The following FHIT variants were observed in gnomAD, a reference collection of about 807,000 sequenced individuals.
FHIT encodes the protein fragile histidine triad diadenosine triphosphatase, also known as bis(5'-adenosyl)-triphosphatase.
In FHIT, 19 loss-of-function variants were observed where a neutral mutation model predicts 17.9. That is an observed-to-expected ratio of 1.06 (90% CI 0.74 to 1.56). The LOEUF (loss-of-function observed/expected upper bound fraction) is 1.56. FHIT is among the 40% of genes most tolerant of loss of function. FHIT has a pLI of 0.00. For missense variants in FHIT, 248 were observed against 189.2 expected (o/e 1.31, Z -1.82); for synonymous variants, 81 against 69.7 (o/e 1.16, Z -0.81).
chr3:60,170,354 C>T (rs1451679331), intron 5 of FHIT, among the ~76,000 whole-genome samples: 1 of 152,138 alleles, frequency 6.6e-6, no homozygotes, highest in African/African-American at 2.4e-5. Flanking sequence ...TAAATCCAAC[C>T]ATGAATGAAG....
chr3:60,387,579 C>G (rs918718481), intron 5 of FHIT, among the ~76,000 whole-genome samples: 3 of 152,028 alleles, frequency 2.0e-5, no homozygotes, highest in African/African-American at 7.2e-5. Flanking sequence ...ATTCCCAATT[C>G]TCTCCCCCCT....
intron 3 of FHIT, among the ~76,000 whole-genome samples, chr3:61,032,953 A>G (rs1199900298): frequency 6.6e-6 from 1 of 152,224 alleles, no homozygotes; most frequent in Non-Finnish European, 1.5e-5. Flanking sequence ...TCAAAGGCCC[A>G]AGATACAGGA....
chr3:60,056,865 G>A (rs767011349), intron 5 of FHIT, among the ~76,000 whole-genome samples: 1 of 152,164 alleles, frequency 6.6e-6, no homozygotes, highest in Non-Finnish European at 1.5e-5. Context: ...TTCCTTTCAT[G>A]ACATCAATCA....
At chr3:59,787,146 C>T (rs1420392444) in intron 8 of FHIT, among the ~76,000 whole-genome samples, 2 of 152,126 alleles carry the variant, frequency 1.3e-5, no homozygotes, top group African/African-American at 2.4e-5. Flanking sequence ...TATTATCCTC[C>T]TCATTTTGGT....
At chr3:61,051,611 C>T (rs376019350) in intron 2 of FHIT, among the ~76,000 whole-genome samples, 4 of 152,192 alleles carry the variant, frequency 2.6e-5, no homozygotes, top group East Asian at 1.9e-4. Flanking sequence ...CTAGAAGCTA[C>T]GGCAACTACC....
chr3:60,211,549 G>T (rs930799545), intron 5 of FHIT, among the ~76,000 whole-genome samples: 1 of 152,046 alleles, frequency 6.6e-6, no homozygotes, highest in African/African-American at 2.4e-5. Context: ...ACTCACAGAG[G>T]TGCTATTTCT....
At chr3:60,464,883 G>A (rs186023078) in intron 5 of FHIT, among the ~76,000 whole-genome samples, 9 of 152,136 alleles carry the variant, frequency 5.9e-5, no homozygotes, top group South Asian at 4.1e-4. Flanking sequence ...ACCTAGCAGC[G>A]AGTTTGCTGG....
intron 7 of FHIT, among the ~76,000 whole-genome samples, chr3:59,979,840 A>C (rs1708575111): frequency 6.6e-6 from 1 of 152,166 alleles, no homozygotes; most frequent in South Asian, 2.1e-4. Flanking sequence ...GCCACATAAA[A>C]AGCAACAGAA....
intron 5 of FHIT, among the ~76,000 whole-genome samples, chr3:60,530,184 A>T (rs903669033): frequency 6.6e-6 from 1 of 152,192 alleles, no homozygotes; most frequent in African/African-American, 2.4e-5. Flanking sequence ...ACAGGGACCT[A>T]GTAACCCACA....
chr3:60,564,281 C>A (rs2037056326), intron 4 of FHIT, among the ~76,000 whole-genome samples: 1 of 152,086 alleles, frequency 6.6e-6, no homozygotes, highest in Admixed American at 6.6e-5. Flanking sequence ...CATTCTTTTC[C>A]AAATATTACT....
At chr3:60,057,611 T>C (rs1016539934) in intron 5 of FHIT, among the ~76,000 whole-genome samples, 23 of 152,246 alleles carry the variant, frequency 1.5e-4, no homozygotes, top group African/African-American at 5.1e-4. Context: ...GACGTAGAAA[T>C]TGACCTTTGT....
intron 4 of FHIT, among the ~76,000 whole-genome samples, chr3:60,659,165 C>T (rs2040184412): frequency 6.6e-6 from 1 of 152,000 alleles, no homozygotes; most frequent in East Asian, 1.9e-4. Flanking sequence ...ATTCCTTCTA[C>T]ATAATGAGTT....
At chr3:60,766,142 T>C (rs1553721388) in intron 4 of FHIT, among the ~76,000 whole-genome samples, 1 of 152,202 alleles carries the variant, frequency 6.6e-6, no homozygotes, top group East Asian at 1.9e-4. Context: ...TATATATACA[T>C]ACATATATCC....
At chr3:60,561,019 T>C (rs1274245663) in intron 4 of FHIT, among the ~76,000 whole-genome samples, 3 of 152,026 alleles carry the variant, frequency 2.0e-5, no homozygotes, top group African/African-American at 4.8e-5. Flanking sequence ...AGGCAAATAA[T>C]TGATACCCAA....
rs546153241 is a variant in FHIT at position 60,593,609 on chromosome 3, T to C, written c.-17-56630A>G. 9.2e-5 allele frequency among the ~76,000 whole-genome samples: 14 copies of C among 152,246 alleles called. No individual in the cohort carries two copies. In the East Asian group the frequency reaches 1.4e-3, roughly 15 times the overall value. ...AAGAAAATATTCTTGGAGTATGTTATAGTCGTATGTTAACTGCAAATGGCT... is the reference window on the plus strand; with the variant it reads ...AAGAAAATATTCTTGGAGTATGTTACAGTCGTATGTTAACTGCAAATGGCT... On this transcript the variant is annotated intron_variant, in intron 4 of 9. Coordinates refer to ENST00000492590, the MANE Select transcript of FHIT (RefSeq NM_002012.4).
intron 5 of FHIT, among the ~76,000 whole-genome samples, chr3:60,429,626 C>T (rs1702802036): frequency 6.6e-6 from 1 of 152,006 alleles, no homozygotes. Context: ...ATAGATGATG[C>T]TCTAATAAGG....
intron 5 of FHIT, among the ~76,000 whole-genome samples, chr3:60,477,766 A>G (rs2033419350): frequency 2.0e-5 from 3 of 152,210 alleles, no homozygotes; most frequent in Admixed American, 2.0e-4. Context: ...GGTAGAGACC[A>G]TAGTAAACAT....
chr3:60,431,683 G>T, intron 5 of FHIT, among the ~76,000 whole-genome samples: 1 of 152,054 alleles, frequency 6.6e-6, no homozygotes, highest in Admixed American at 6.6e-5. Flanking sequence ...TCGGGAGTCT[G>T]CATTTCCTAA....
At chr3:60,303,418 T>C (rs1397537981) in intron 5 of FHIT, among the ~76,000 whole-genome samples, 1 of 152,138 alleles carries the variant, frequency 6.6e-6, no homozygotes, top group African/African-American at 2.4e-5. Flanking sequence ...CTCATGGACT[T>C]TGTGGAGGAG....
Sources: gnomAD v4.1 joint callset for allele counts (sites outside exome capture counted in the v4.1 genomes callset) on GRCh38, gnomAD v4.1.1 for gene constraint, MANE v1.5 for transcripts, NCBI Gene and HGNC (gene_info 2026-07-23, HGNC 2026-07-21) for gene names.